The following RBM23 variants were observed in gnomAD, a reference collection of about 807,000 sequenced individuals.
The protein encoded by RBM23 is probable RNA-binding protein 23.
Under a neutral mutation model 56.2 loss-of-function variants are expected in RBM23, and 53 were observed. The observed-to-expected ratio is 0.94, with a 90% CI of 0.76 to 1.19. The LOEUF is 1.19. Among genes scored for constraint, RBM23 ranks in the 50% most tolerant of loss-of-function variants. RBM23 has a pLI of 0.00. For missense variants in RBM23, 642 were observed against 590.3 expected (o/e 1.09, Z -0.91); for synonymous variants, 197 against 198.5 (o/e 0.99, Z 0.06).
At chr14:22,904,082 G>A in intron 10 of RBM23, 179 bp downstream of exon 10, 6 of 1,527,150 alleles carry the variant, frequency 3.9e-6, no homozygotes, top group Non-Finnish European at 5.3e-6. Flanking sequence ...TAGGAGCAAA[G>A]CCAAGATCTC....
Position 22,911,387 on chromosome 14 carries a change from A to T in RBM23, c.7T>A (p.Ser3Thr). MASDDFDIVIEAM... is the reference protein window; with the variant it reads MATDDFDIVIEAM... ...TCAATCACTATGTCAAAGTCATCAG[A>T]TGCCATCCTGTCAGATCTGGGGAGA... The change falls in exon 2 of 14, where the codon TCT (serine) becomes ACT (threonine). Residue 3 changes from serine to threonine, a missense_variant. By Grantham distance (58) the Ser-to-Thr change is moderately conservative. Coordinates refer to ENST00000359890, the MANE Select transcript of RBM23 (RefSeq NM_001077351.2). 1 of 1,613,544 alleles carries T rather than the reference A, an allele frequency of 6.2e-7. No individual in the cohort carries two copies. Among genetic ancestry groups the T allele is most frequent in the Non-Finnish European group, 8.5e-7 (1 of 1,179,578 alleles).
chr14:22,899,876 A>G lies in RBM23; in HGVS notation c.*1854T>C, dbSNP rs1224471021. 6.6e-6 allele frequency: 1 copy of G among 152,184 alleles called. No individual in the cohort carries two copies. The highest frequency in any genetic ancestry group is 2.4e-5 in the African/African-American group (1 of 41,428). The allele number at this position is 152,184 out of a possible 1,614,324, so 9.4% of individuals were successfully genotyped here. On this transcript the variant is annotated 3_prime_UTR_variant, in exon 14 of 14. Coordinates refer to ENST00000359890, the MANE Select transcript of RBM23 (RefSeq NM_001077351.2). ...GACAAATTAAAACCTAACAGCAATTATCCATATTTTTAGCATAAGAAAGTC... is the reference window on the plus strand; with the variant it reads ...GACAAATTAAAACCTAACAGCAATTGTCCATATTTTTAGCATAAGAAAGTC...
chr14:22,901,937 C>T (rs769732160), intron 12 of RBM23, 43 bp downstream of exon 12: 2 of 1,612,764 alleles, frequency 1.2e-6, no homozygotes, highest in Admixed American at 1.7e-5. Context: ...TCCTTCTTTC[C>T]AGACCCCCAA....
Position 22,902,267 on chromosome 14 carries a change from A to G in RBM23, c.1046T>C (p.Ile349Thr). Residue 349 changes from isoleucine (I) to threonine (T), a missense_variant, in exon 11 of 14, where the codon ATC (isoleucine) becomes ACC (threonine). By Grantham distance (89) the Ile-to-Thr change is moderately conservative (BLOSUM62 -1). Coordinates refer to ENST00000359890, the MANE Select transcript of RBM23 (RefSeq NM_001077351.2). ...VTERLDGGTD[I>T]TFPDGDQELD... is the part of the protein sequence containing the mutation. ...CTCCTGGTCCCCATCAGGAAAAGTGATGTCTGTGCCACCATCCAGTCGCTC... is the reference window on the plus strand; with the variant it reads ...CTCCTGGTCCCCATCAGGAAAAGTGGTGTCTGTGCCACCATCCAGTCGCTC... The G allele has an allele frequency of 6.2e-7, 1 of 1,614,144 alleles. No individual in the cohort carries two copies. The highest frequency in any genetic ancestry group is 8.5e-7 in the Non-Finnish European group (1 of 1,180,040).
intron 4 of RBM23, among the ~76,000 whole-genome samples, chr14:22,907,063 A>T (rs2041697740): frequency 6.6e-6 from 1 of 152,216 alleles, no homozygotes; most frequent in Non-Finnish European, 1.5e-5. Flanking sequence ...AATCCCAGCT[A>T]CTCAGGAGGC....
chr14:22,893,966 G>A lies in RBM23; in HGVS notation c.*7764C>T, dbSNP rs956601285. 2 of 152,190 alleles carry A rather than the reference G, an allele frequency of 1.3e-5. No individual in the cohort carries two copies. Among genetic ancestry groups the A allele is most frequent in the Non-Finnish European group, 1.5e-5 (1 of 68,044 alleles). The allele number at this position is 152,190 out of a possible 1,614,324, so 9.4% of individuals were successfully genotyped here. ...TGCTCAGGATGTTTCCTGGATGGGG[G>A]TCTGTGGATGAAGTCACTCTTAACC... On this transcript the variant is annotated 3_prime_UTR_variant, in exon 14 of 14. Transcript: ENST00000359890.
intron 1 of RBM23, among the ~76,000 whole-genome samples, chr14:22,916,853 G>A (rs1336361937): frequency 1.3e-5 from 2 of 151,920 alleles, no homozygotes; most frequent in African/African-American, 2.4e-5. Context: ...TGGGAAAATA[G>A]TTCTAAAAAG....
chr14:22,906,495 G>C, intron 4 of RBM23, 127 bp from the exon 5 acceptor site: 1 of 1,104,642 alleles, frequency 9.1e-7, no homozygotes, highest in Non-Finnish European at 1.3e-6. Context: ...TGATGTTACA[G>C]CCACTGTAAT....
chr14:22,902,175 G>C lies in RBM23; in HGVS notation c.1126+12C>G. On this transcript the variant is annotated intron_variant, in intron 11 of 13. Transcript: ENST00000359890. ...TCAACCCCATAATCTTCACCTTGCG[G>C]AGATATTTTACCTTCTGCCAGTTTT... 6.2e-7 allele frequency: 1 copy of C among 1,612,680 alleles called. No individual in the cohort carries two copies. Among genetic ancestry groups the C allele is most frequent in the Non-Finnish European group, 8.5e-7 (1 of 1,178,732 alleles).
At chr14:22,903,356 C>T (rs2040956010) in intron 10 of RBM23, 1 of 985,342 alleles carries the variant, frequency 1.0e-6, no homozygotes, top group Non-Finnish European at 1.2e-6. Flanking sequence ...AAAAATGCCC[C>T]ACAGAAGCCT....
rs1566553111 is a variant in RBM23 at position 22,906,196 on chromosome 14, C to CA, written c.399dup (p.Gly134TrpfsTer3). The CA allele has an allele frequency of 1.2e-6, 2 of 1,613,888 alleles. No individual in the cohort carries two copies. The highest frequency in any genetic ancestry group is 2.2e-5 in the South Asian group (2 of 91,074). ...GAATCTATTAGCAAAAAGTGATACC[C>CA]AGTGGCAAGTGGAGGACTCCTGTAA... On this transcript the variant is annotated frameshift_variant and splice_region_variant, in exon 5 of 14. Transcript: ENST00000359890. LOFTEE classifies it high-confidence loss of function.
intron 10 of RBM23, chr14:22,902,756 CTTTTTTTTTTTT>C (rs59987550): frequency 8.1e-5 from 37 of 458,208 alleles, no homozygotes; most frequent in South Asian, 1.2e-4. Context: ...AAGTTTTAGT[CTTTTTTTTTTTT>C]TTTTTTTTTT....
intron 10 of RBM23, chr14:22,903,852 T>TTTCCCA (rs1348287771): frequency 8.9e-7 from 1 of 1,117,712 alleles, no homozygotes; most frequent in East Asian, 6.7e-5. Context: ...TTGCTTCAAA[T>TTTCCCA]GGGGTAGCAC....
chr14:22,901,761 C>T (rs935646879), intron 13 of RBM23, 28 bp from the exon 14 acceptor site: 2 of 1,613,838 alleles, frequency 1.2e-6, no homozygotes, highest in African/African-American at 1.3e-5. Context: ...AAATGGGAAG[C>T]CAAAGGAAAG....
chr14:22,917,543 CT>C (rs2043745909), intron 1 of RBM23: 1 of 145,272 alleles, frequency 6.9e-6, no homozygotes, highest in Admixed American at 7.0e-5. Flanking sequence ...CATTTTCAGG[CT>C]GGTAGTTTTT....
intron 4 of RBM23, 91 bp downstream of exon 4, chr14:22,908,242 A>T: frequency 2.1e-6 from 3 of 1,417,542 alleles, no homozygotes; most frequent in Non-Finnish European, 2.9e-6. Flanking sequence ...GCTGGTTTTG[A>T]ACTCCTGGCC....
intron 5 of RBM23, 25 bp from the exon 6 acceptor site, chr14:22,905,684 G>A: frequency 2.6e-6 from 4 of 1,560,420 alleles, no homozygotes; most frequent in Non-Finnish European, 3.5e-6. Flanking sequence ...AAAACAAAAG[G>A]TGAAACCTTA....
chr14:22,904,991 C>T lies in RBM23; in HGVS notation c.748G>A (p.Ala250Thr), dbSNP rs756667601. ...CCCTTTTGCAGGTTGTTGGCCATGG[C>T]TGCCAGTCGGTTTTTCTCTGCCTGG... Reference protein sequence around the residue: ...ASQAEKNRLAAMANNLQKGNG... With the variant: ...ASQAEKNRLATMANNLQKGNG... Residue 250 changes from alanine to threonine, a missense_variant, in exon 9 of 14, where the codon GCC becomes ACC. Physicochemically the swap from Ala to Thr is moderately conservative, Grantham distance 58. Coordinates refer to ENST00000359890, the MANE Select transcript of RBM23 (RefSeq NM_001077351.2). 1 of 1,614,224 alleles carries T rather than the reference C, an allele frequency of 6.2e-7. No individual in the cohort carries two copies. Among genetic ancestry groups the T allele is most frequent in the South Asian group, 1.1e-5 (1 of 91,086 alleles).
At position 22,901,867 on chromosome 14, in the gene RBM23, C is replaced by T. The variant is rs1333724679; in HGVS notation, c.1263G>A (p.Leu421=). 1.9e-6 allele frequency: 3 copies of T among 1,614,162 alleles called. No individual in the cohort carries two copies. The highest frequency in any genetic ancestry group is 8.5e-7 in the Non-Finnish European group (1 of 1,180,022). Residue 421 remains leucine (L), a synonymous_variant, in exon 13 of 14, where the codon CTG becomes CTA. Coordinates refer to ENST00000359890, the MANE Select transcript of RBM23 (RefSeq NM_001077351.2). ...GCTGGAAACACTGGGAGGCAAGGTT[C>T]AGGGCTGGACTCAGAGCTAGAACAA... ...PAALTALSPA[L]NLASQCFQLS...
Sources: gnomAD v4.1 joint callset for allele counts (sites outside exome capture counted in the v4.1 genomes callset) on GRCh38, gnomAD v4.1.1 for gene constraint, MANE v1.5 for transcripts, NCBI Gene and HGNC (gene_info 2026-07-23, HGNC 2026-07-21) for gene names.